The following TMEM74 variants were observed in gnomAD, a reference collection of about 807,000 sequenced individuals.
The protein encoded by TMEM74 is transmembrane protein 74.
In TMEM74, 13 loss-of-function variants were observed where a neutral mutation model predicts 18.1. The ratio of observed to expected loss-of-function variants is 0.72; its 90% CI spans 0.47 to 1.14. The LOEUF (loss-of-function observed/expected upper bound fraction) is 1.14. Ranked by LOEUF, TMEM74 falls within the 50% of genes most tolerant of loss-of-function variation. The pLI is 0.00. For synonymous variants in TMEM74, 159 were observed against 146.6 expected (o/e 1.08, Z -0.61); for missense variants, 372 against 375.9 (o/e 0.99, Z 0.09).
At chr8:108,610,259 G>A (rs1045706446) in intron 2 of TMEM74, among the ~76,000 whole-genome samples, 2 of 152,082 alleles carry the variant, frequency 1.3e-5, no homozygotes, top group Admixed American at 6.6e-5. Context: ...TCCCCGAGAT[G>A]GGGGGAGATA....
At chr8:108,725,819 T>A (rs1324864965) in intron 1 of TMEM74, among the ~76,000 whole-genome samples, 1 of 152,210 alleles carries the variant, frequency 6.6e-6, no homozygotes, top group African/African-American at 2.4e-5. Flanking sequence ...AGGATATGTG[T>A]TATTGCAGAA....
intron 1 of TMEM74, among the ~76,000 whole-genome samples, chr8:108,680,636 A>T (rs1813103554): frequency 6.6e-6 from 1 of 152,300 alleles, no homozygotes; most frequent in Non-Finnish European, 1.5e-5. Context: ...CACCACTCCT[A>T]TTCAACATAG....
chr8:108,767,274 C>T (rs1814119091), intron 1 of TMEM74, among the ~76,000 whole-genome samples: 1 of 152,172 alleles, frequency 6.6e-6, no homozygotes, highest in Non-Finnish European at 1.5e-5. Flanking sequence ...TTGTCAGAAG[C>T]TTGCTTCAAA....
chr8:108,612,012 G>A (rs189482668), intron 2 of TMEM74, among the ~76,000 whole-genome samples: 29 of 152,166 alleles, frequency 1.9e-4, no homozygotes, highest in Non-Finnish European at 3.7e-4. Flanking sequence ...AAGGAGGAGA[G>A]TCCCTTATAA....
At chr8:108,632,929 G>T (rs1812569529) in intron 2 of TMEM74, among the ~76,000 whole-genome samples, 1 of 151,890 alleles carries the variant, frequency 6.6e-6, no homozygotes, top group African/African-American at 2.4e-5. Context: ...ATTTAAGATT[G>T]GTTCATTCTA....
intron 1 of TMEM74, among the ~76,000 whole-genome samples, chr8:108,729,470 A>C (rs1042327693): frequency 6.6e-6 from 1 of 152,244 alleles, no homozygotes; most frequent in African/African-American, 2.4e-5. Flanking sequence ...ACATCTGCAA[A>C]GTTCCTTTGC....
Position 108,686,572 on chromosome 8 carries a change from A to G in TMEM74, n.120-31135T>C, listed in dbSNP as rs56799087. 7.3e-3 allele frequency among the ~76,000 whole-genome samples: 1,117 copies of G among 152,180 alleles called. 16 individuals are homozygous for G. The highest frequency in any genetic ancestry group is 0.026 in the African/African-American group (1,060 of 41,516). On this transcript the variant is annotated intron_variant and non_coding_transcript_variant, in intron 1 of 3. Coordinates refer to the TMEM74 transcript ENST00000518838. ...GGGAAGTATTATTGGGGCAAATATT[A>G]CAAGAAAACTAGGTTTAGTTTTGGA... is the stretch of plus-strand genomic sequence containing the variant.
chr8:108,764,976 AT>A (rs1204003206), intron 1 of TMEM74, among the ~76,000 whole-genome samples: 1 of 152,106 alleles, frequency 6.6e-6, no homozygotes, highest in Admixed American at 6.6e-5. Context: ...GCTATATCAC[AT>A]TTTTAGGGCT....
At chr8:108,676,357 A>C (rs930322122) in intron 1 of TMEM74, among the ~76,000 whole-genome samples, 1 of 152,086 alleles carries the variant, frequency 6.6e-6, no homozygotes, top group African/African-American at 2.4e-5. Flanking sequence ...TTCATCTCCT[A>C]TGACTCTGCC....
At chr8:108,777,907 G>T (rs1237574241), downstream of TMEM74, among the ~76,000 whole-genome samples, 1 of 152,092 alleles carries the variant, frequency 6.6e-6, no homozygotes, top group African/African-American at 2.4e-5. Flanking sequence ...AAGGACAAAT[G>T]TTGGCTTAAT....
At chr8:108,710,074 G>A (rs916227301) in intron 1 of TMEM74, among the ~76,000 whole-genome samples, 2 of 152,176 alleles carry the variant, frequency 1.3e-5, no homozygotes, top group African/African-American at 4.8e-5. Flanking sequence ...ATAATAACAG[G>A]ATTACTTCCC....
chr8:108,734,060 T>A (rs1172415640), intron 1 of TMEM74, among the ~76,000 whole-genome samples: 1 of 152,230 alleles, frequency 6.6e-6, no homozygotes, highest in East Asian at 1.9e-4. Context: ...TGTGAGTGTG[T>A]TCCTGGAGGA....
chr8:108,715,864 A>G (rs925242623), intron 1 of TMEM74, among the ~76,000 whole-genome samples: 1 of 152,098 alleles, frequency 6.6e-6, no homozygotes, highest in Non-Finnish European at 1.5e-5. Flanking sequence ...TATTTATGAG[A>G]CAAGTAACCC....
In TMEM74 at chr8:108,739,836, C is replaced by A. The variant is rs557439566; in HGVS notation, n.119+47640G>T. 3.3e-5 allele frequency among the ~76,000 whole-genome samples: 5 copies of A among 152,094 alleles called. No individual in the cohort carries two copies. The South Asian group carries it at 1.0e-3, about 32-fold the overall frequency. ...GTTTTTGGGGTGATCAGACCCAACA[C>A]CAGGTCATGGGGGCAACGAAGTCCG... is the stretch of plus-strand genomic sequence containing the variant. On this transcript the variant is annotated intron_variant and non_coding_transcript_variant, in intron 1 of 3. Coordinates refer to the TMEM74 transcript ENST00000518838.
At position 108,785,014 on chromosome 8, in the gene TMEM74, C is replaced by T. The variant is rs775773211; in HGVS notation, c.85G>A (p.Asp29Asn). The T allele has an allele frequency of 1.9e-6, 3 of 1,614,060 alleles. No individual in the cohort carries two copies. Among genetic ancestry groups the T allele is most frequent in the Non-Finnish European group, 2.5e-6 (3 of 1,179,984 alleles). Residue 29 changes from aspartate to asparagine, a missense_variant, in exon 2 of 2, where the codon GAC (aspartate) becomes AAC (asparagine). By Grantham distance (23) the Asp-to-Asn change is conservative. Coordinates refer to ENST00000297459, the MANE Select transcript of TMEM74 (RefSeq NM_153015.3). ...RDWSSRGLPG[D>N]QADTAATRAA... The stretch of plus-strand genomic sequence containing the variant: ...CTTGTGGCTGCTGTATCTGCCTGGT[C>T]ACCAGGCAGCCCTCTTGAACTCCAG...
chr8:108,622,391 G>A (rs548998159), intron 2 of TMEM74, among the ~76,000 whole-genome samples: 3 of 152,212 alleles, frequency 2.0e-5, no homozygotes, highest in Non-Finnish European at 2.9e-5. Flanking sequence ...CCCACAACTG[G>A]TAATTTGTGG....
At chr8:108,766,200 T>TTTCCTTCCTTCCTTCCTTCC (rs150712271) in intron 1 of TMEM74, among the ~76,000 whole-genome samples, 18 of 151,656 alleles carry the variant, frequency 1.2e-4, no homozygotes, top group African/African-American at 4.1e-4. Context: ...TTATTTCTCC[T>TTTCCTTCCTTCCTTCCTTCC]TTCCTTCCTT....
intron 1 of TMEM74, among the ~76,000 whole-genome samples, chr8:108,747,372 G>GA (rs1184366169): frequency 1.3e-5 from 2 of 151,712 alleles, no homozygotes; most frequent in Non-Finnish European, 1.5e-5. Flanking sequence ...CAAGAATACA[G>GA]AAAAAAAAGC....
intron 1 of TMEM74, among the ~76,000 whole-genome samples, chr8:108,678,507 G>A (rs1279682245): frequency 6.6e-6 from 1 of 150,760 alleles, no homozygotes; most frequent in Non-Finnish European, 1.5e-5. Context: ...TGAGATTACA[G>A]GCACCCACCC....
Sources: gnomAD v4.1 joint callset for allele counts (sites outside exome capture counted in the v4.1 genomes callset) on GRCh38, gnomAD v4.1.1 for gene constraint, MANE v1.5 for transcripts, NCBI Gene and HGNC (gene_info 2026-07-23, HGNC 2026-07-21) for gene names.